GLS: variants seen among roughly 807,000 people sequenced by gnomAD.
GLS encodes the protein glutaminase.
A neutral mutation model predicts 86.7 loss-of-function variants in GLS; 36 were observed. That is an observed-to-expected ratio of 0.42 (90% CI 0.32 to 0.55). GLS has a LOEUF of 0.55. Among genes scored for constraint, GLS ranks in the 20% least tolerant of loss-of-function variants. The probability of loss-of-function intolerance (pLI) is 0.17; values close to 1 mark genes in which losing one functional copy is unlikely to be tolerated. For synonymous variants in GLS, 317 were observed against 305.9 expected, an observed-to-expected ratio of 1.04 and a Z score of -0.38; for missense variants, 528 against 833.4, an observed-to-expected ratio of 0.63 and a Z score of 4.51.
rs1211753318 is a variant in GLS at position 190,913,785 on chromosome 2, T to G, written c.1038+3464T>G. ...AAAAGTTACACTGTCTTCTATGTTTTTACCTCTCAGAGTTTTTTGTTTTTT... is the reference window on the plus strand; with the variant it reads ...AAAAGTTACACTGTCTTCTATGTTTGTACCTCTCAGAGTTTTTTGTTTTTT... On this transcript the variant is annotated intron_variant, in intron 7 of 17. Transcript: ENST00000320717. This position sits in a 1 kb window ranked among gnomAD's most constrained non-coding sequence, Gnocchi z 6.1. 1 of 966,012 alleles carries G rather than the reference T, an allele frequency of 1.0e-6. No individual in the cohort carries two copies. Among genetic ancestry groups the G allele is most frequent in the Non-Finnish European group, 1.2e-6 (1 of 812,354 alleles). The allele number at this position is 966,012 out of a possible 1,614,324, so 59.8% of individuals were successfully genotyped here.
chr2:190,902,613 A>G (rs1347207543), intron 5 of GLS, among the ~76,000 whole-genome samples: 2 of 152,202 alleles, frequency 1.3e-5, no homozygotes, highest in African/African-American at 2.4e-5. Context: ...GGCGCTTTAG[A>G]AAGAATGATT....
chr2:190,942,878 T>C (rs1690480422), intron 14 of GLS, among the ~76,000 whole-genome samples: 1 of 152,226 alleles, frequency 6.6e-6, no homozygotes, highest in Admixed American at 6.5e-5. Flanking sequence ...TAAACTTCTG[T>C]TACACAAGCC....
At chr2:190,922,583 C>G (rs1470122602) in intron 9 of GLS, among the ~76,000 whole-genome samples, 1 of 152,130 alleles carries the variant, frequency 6.6e-6, no homozygotes, top group African/African-American at 2.4e-5. Context: ...TCTTCCAGTT[C>G]ATTTCTGTAT....
At chr2:190,926,995 A>G in intron 11 of GLS, 1 of 199,046 alleles carries the variant, frequency 5.0e-6, no homozygotes, top group Non-Finnish European at 1.0e-5. Context: ...TTCCACAGAA[A>G]GTATTAATAT....
At chr2:190,891,461 G>C (rs1688557473) in intron 1 of GLS, among the ~76,000 whole-genome samples, 1 of 150,748 alleles carries the variant, frequency 6.6e-6, no homozygotes, top group Admixed American at 6.6e-5. Flanking sequence ...CAGAAGGCAT[G>C]ATAGGTTAAA....
chr2:190,934,959 T>C, intron 14 of GLS: 1 of 968,946 alleles, frequency 1.0e-6, no homozygotes, highest in Non-Finnish European at 1.2e-6. Context: ...TCAGTATTCT[T>C]AACACCTTTT....
chr2:190,916,354 C>T (rs1689533864), intron 7 of GLS, among the ~76,000 whole-genome samples: 1 of 152,116 alleles, frequency 6.6e-6, no homozygotes, highest in Admixed American at 6.5e-5. Flanking sequence ...CACCCCACTA[C>T]TCCATAATGA....
Position 190,935,186 on chromosome 2 carries a change from AT to A in GLS, c.1650+3552del, listed in dbSNP as rs1338288331. 2.2e-6 allele frequency: 2 copies of A among 896,222 alleles called. No homozygotes were observed. Among genetic ancestry groups the A allele is most frequent in the African/African-American group, 3.6e-5 (2 of 55,476 alleles). The allele number at this position is 896,222 out of a possible 1,614,324, so 55.5% of individuals were successfully genotyped here. A position where few individuals can be genotyped will look rare whatever the true frequency, so the allele number is the denominator to read the frequency against. ...TTTATCTTAGTGTTTGGATGAAAAC[AT>A]TTGTGTTGTTTAGCTTTCATTTGCT... is the stretch of plus-strand genomic sequence containing the variant. On this transcript the variant is annotated intron_variant, in intron 14 of 17. Coordinates refer to ENST00000320717, the MANE Select transcript of GLS (RefSeq NM_014905.5). The surrounding 1 kb of genome is among the most constrained non-coding windows in gnomAD (Gnocchi z 4.2).
At chr2:190,917,229 A>G (rs545840960) in intron 7 of GLS, among the ~76,000 whole-genome samples, 16 of 152,214 alleles carry the variant, frequency 1.1e-4, no homozygotes, top group East Asian at 1.9e-4. Context: ...TTGTATTTCA[A>G]TGATCTTCAG....
At chr2:190,936,833 T>G (rs977853812) in intron 14 of GLS, among the ~76,000 whole-genome samples, 3 of 151,318 alleles carry the variant, frequency 2.0e-5, no homozygotes, top group Non-Finnish European at 4.5e-5. Context: ...AGTTTTTAGT[T>G]TTAAGAATCT....
chr2:190,930,369 A>T lies in GLS; in HGVS notation c.1426-68A>T. ...CATGGTGCCCAGCCCCAGTTTCCCTATTGTTGAACATAACATTTCTTATTT... is the reference window on the plus strand; with the variant it reads ...CATGGTGCCCAGCCCCAGTTTCCCTTTTGTTGAACATAACATTTCTTATTT... On this transcript the variant is annotated intron_variant, in intron 12 of 17. Coordinates refer to ENST00000320717, the MANE Select transcript of GLS (RefSeq NM_014905.5). This position sits in a 1 kb window ranked among gnomAD's most constrained non-coding sequence, Gnocchi z 5.0. 8.3e-7 allele frequency: 1 copy of T among 1,210,204 alleles called. No homozygotes were observed. Among genetic ancestry groups the T allele is most frequent in the African/African-American group, 1.5e-5 (1 of 66,558 alleles). The allele number at this position is 1,210,204 out of a possible 1,614,324, so 75.0% of individuals were successfully genotyped here.
chr2:190,884,103 T>C (rs1173625998), intron 1 of GLS, among the ~76,000 whole-genome samples: 1 of 152,246 alleles, frequency 6.6e-6, no homozygotes, highest in East Asian at 1.9e-4. Flanking sequence ...GAAAACCAAC[T>C]TTGCTTGCCT....
Position 190,954,303 on chromosome 2 carries a change from A to G in GLS, c.1713-281A>G, listed in dbSNP as rs891767735. 3.9e-5 allele frequency among the ~76,000 whole-genome samples: 6 copies of G among 152,260 alleles called. No individual in the cohort carries two copies. Among genetic ancestry groups the G allele is most frequent in the Admixed American group, 2.0e-4 (3 of 15,278 alleles). On this transcript the variant is annotated intron_variant, in intron 15 of 17. Coordinates refer to ENST00000320717, the MANE Select transcript of GLS (RefSeq NM_014905.5). The surrounding 1 kb of genome is among the most constrained non-coding windows in gnomAD (Gnocchi z 4.0). The stretch of plus-strand genomic sequence containing the variant: ...ATAAACCTTGGTACACAGTTGTGCC[A>G]TAATTCTTAAGTTGCGAACAATAAT...
In GLS at chr2:190,924,748, C is replaced by G; in HGVS notation, c.1248+155C>G. 2 of 555,112 alleles carry G rather than the reference C, an allele frequency of 3.6e-6. No individual in the cohort carries two copies. The highest frequency in any genetic ancestry group is 3.3e-6 in the Non-Finnish European group (1 of 307,088). 34.4% of individuals were successfully genotyped at this position (555,112 alleles called of 1,614,324 possible). A position where few individuals can be genotyped will look rare whatever the true frequency, so the allele number is the denominator to read the frequency against. ...TGGCCAACATGGTGAAACCCCATCT[C>G]TACTAAAAATACAAAAATTATTCGG... is the stretch of plus-strand genomic sequence containing the variant. On this transcript the variant is annotated intron_variant, in intron 11 of 17. Transcript: ENST00000320717. This position sits in a 1 kb window ranked among gnomAD's most constrained non-coding sequence, Gnocchi z 5.2.
chr2:190,903,060 A>T (rs58801716), intron 5 of GLS, among the ~76,000 whole-genome samples: 1,654 of 152,250 alleles, frequency 0.011, 40 homozygotes, highest in African/African-American at 0.037. Flanking sequence ...TGAAAATTTG[A>T]TCTTTTATGT....
chr2:190,912,238 A>G (rs1558977315), intron 7 of GLS, among the ~76,000 whole-genome samples: 1 of 152,008 alleles, frequency 6.6e-6, no homozygotes, highest in East Asian at 1.9e-4. Flanking sequence ...TTTCATAAAA[A>G]TTTAAATTTA....
chr2:190,910,390 A>G, intron 7 of GLS, 69 bp downstream of exon 7: 1 of 736,568 alleles, frequency 1.4e-6, no homozygotes, highest in Non-Finnish European at 2.3e-6. Flanking sequence ...CATAAAGATG[A>G]ATCTGGGATT....
chr2:190,933,173 A>AAT, intron 14 of GLS: 1 of 838,064 alleles, frequency 1.2e-6, no homozygotes, highest in Non-Finnish European at 1.4e-6. Flanking sequence ...CCCATTTTAC[A>AAT]ATAGTAACAG....
At position 190,913,509 on chromosome 2, in the gene GLS, T is replaced by C; in HGVS notation, c.1038+3188T>C. 2.0e-6 allele frequency: 2 copies of C among 994,244 alleles called. No homozygotes were observed. Among genetic ancestry groups the C allele is most frequent in the Non-Finnish European group, 2.4e-6 (2 of 828,310 alleles). The allele number at this position is 994,244 out of a possible 1,614,324, so 61.6% of individuals were successfully genotyped here. On this transcript the variant is annotated intron_variant, in intron 7 of 17. Transcript: ENST00000320717. The surrounding 1 kb of genome is among the most constrained non-coding windows in gnomAD (Gnocchi z 6.1). Reference sequence around the variant, plus strand: ...ATACTTTTTGTTGTAATCTGTTTTATTTGGGATTGTGATAATGTGTGATTG... The same window carrying C: ...ATACTTTTTGTTGTAATCTGTTTTACTTGGGATTGTGATAATGTGTGATTG...
Sources: allele counts gnomAD v4.1 joint callset (sites outside exome capture counted in the v4.1 genomes callset), GRCh38; gene constraint gnomAD v4.1.1; non-coding constraint Gnocchi (gnomAD v3.1); transcripts MANE v1.5; gene names NCBI Gene and HGNC (gene_info 2026-07-23, HGNC 2026-07-21).